Variants in DIAPH3 observed in about 807,000 individuals in gnomAD.
DIAPH3 encodes the protein diaphanous related formin 3.
In DIAPH3, 117 loss-of-function variants were observed where a neutral mutation model predicts 144.3. The observed-to-expected ratio is 0.81, with a 90% confidence interval of 0.70 to 0.95. DIAPH3 has a LOEUF of 0.95. Among genes scored for constraint, DIAPH3 ranks in the 40% least tolerant of loss-of-function variants. The pLI, the probability that DIAPH3 is intolerant of heterozygous loss-of-function variation, is 0.00. For missense variants in DIAPH3, 1,421 were observed against 1,412.7 expected (o/e 1.01, Z -0.09); for synonymous variants, 519 against 488.9 (o/e 1.06, Z -0.81).
chr13:60,020,512 CATG>C (rs1158939757), intron 5 of DIAPH3, among the ~76,000 whole-genome samples: 1 of 152,112 alleles, frequency 6.6e-6, no homozygotes, highest in Non-Finnish European at 1.5e-5. Flanking sequence ...GGACTACAAG[CATG>C]TGTCACCACA....
At chr13:60,114,642 GACACAC>G (rs34572381) in intron 2 of DIAPH3, among the ~76,000 whole-genome samples, 420 of 148,086 alleles carry the variant, frequency 2.8e-3, no homozygotes, top group African/African-American at 6.6e-3. Flanking sequence ...GAATACAAAA[GACACAC>G]ACACACACAC....
intron 27 of DIAPH3, among the ~76,000 whole-genome samples, chr13:59,745,271 G>T (rs1213644179): frequency 2.6e-5 from 4 of 152,210 alleles, no homozygotes; most frequent in Admixed American, 1.3e-4. Flanking sequence ...TATTTCAAGT[G>T]TGAATACTGA....
chr13:59,935,594 G>T (rs1314200413), intron 17 of DIAPH3, among the ~76,000 whole-genome samples: 1 of 152,170 alleles, frequency 6.6e-6, no homozygotes, highest in African/African-American at 2.4e-5. Context: ...TTATGAGATG[G>T]CAATAGACCG....
At chr13:59,851,742 C>T (rs143226937) in intron 22 of DIAPH3, among the ~76,000 whole-genome samples, 2 of 151,618 alleles carry the variant, frequency 1.3e-5, no homozygotes, top group African/African-American at 4.8e-5. Context: ...CCTATCTCAG[C>T]CTCCCCAGTA....
At chr13:60,109,890 C>A (rs1419677751) in intron 3 of DIAPH3, among the ~76,000 whole-genome samples, 1 of 152,168 alleles carries the variant, frequency 6.6e-6, no homozygotes, top group East Asian at 1.9e-4. Flanking sequence ...AATAGTCATA[C>A]AGAAACCAAT....
intron 20 of DIAPH3, among the ~76,000 whole-genome samples, chr13:59,910,454 G>A (rs185465683): frequency 2.0e-5 from 3 of 152,242 alleles, no homozygotes; most frequent in Admixed American, 1.3e-4. Context: ...AAGGCCGGGT[G>A]GGGTGGCTCA....
intron 2 of DIAPH3, 36 bp from the exon 3 acceptor site, chr13:60,112,222 T>C: frequency 6.2e-7 from 1 of 1,611,264 alleles, no homozygotes; most frequent in Non-Finnish European, 8.5e-7. Context: ...CGTGTAAGTA[T>C]TTCCTTTCCC....
chr13:59,675,895 G>A (rs1032987545), intron 27 of DIAPH3, among the ~76,000 whole-genome samples: 1 of 152,136 alleles, frequency 6.6e-6, no homozygotes, highest in African/African-American at 2.4e-5. Context: ...GGTAGATTCC[G>A]AGTGCTAATA....
chr13:60,052,097 T>C (rs2056374089), intron 4 of DIAPH3, among the ~76,000 whole-genome samples: 1 of 152,102 alleles, frequency 6.6e-6, no homozygotes, highest in Non-Finnish European at 1.5e-5. Context: ...AGGGTTTATA[T>C]GAACGATGAG....
chr13:59,713,014 T>C (rs1430688343), intron 27 of DIAPH3, among the ~76,000 whole-genome samples: 2 of 152,198 alleles, frequency 1.3e-5, no homozygotes, highest in East Asian at 3.9e-4. Context: ...GAGAATCTAA[T>C]GCTGCCGCTG....
intron 27 of DIAPH3, among the ~76,000 whole-genome samples, chr13:59,682,462 C>T (rs191974822): frequency 5.3e-5 from 8 of 152,246 alleles, no homozygotes; most frequent in Admixed American, 4.6e-4. Flanking sequence ...GCTGGGATTA[C>T]AGGTGTGAGC....
At chr13:59,898,511 T>C (rs2046256296) in intron 20 of DIAPH3, among the ~76,000 whole-genome samples, 1 of 152,210 alleles carries the variant, frequency 6.6e-6, no homozygotes, top group African/African-American at 2.4e-5. Flanking sequence ...CAGGCAAGCC[T>C]CAATAAGCCA....
chr13:59,737,757 A>G (rs1284054759), intron 27 of DIAPH3, among the ~76,000 whole-genome samples: 1 of 152,222 alleles, frequency 6.6e-6, no homozygotes, highest in Non-Finnish European at 1.5e-5. Flanking sequence ...TAACCTATAC[A>G]ACAAAACACT....
intron 1 of DIAPH3, chr13:60,147,400 G>C (rs1211968322): frequency 2.0e-5 from 3 of 152,248 alleles, no homozygotes; most frequent in Non-Finnish European, 4.4e-5. Flanking sequence ...GACTCAAATA[G>C]GGAAAATTTG....
chr13:59,781,186 G>C (rs1195234315), intron 25 of DIAPH3, among the ~76,000 whole-genome samples: 3 of 152,096 alleles, frequency 2.0e-5, no homozygotes, highest in Non-Finnish European at 4.4e-5. Flanking sequence ...AATGAAAACA[G>C]GTCAAATATG....
chr13:59,774,562 C>T (rs2038294962), intron 26 of DIAPH3, among the ~76,000 whole-genome samples, 166 bp downstream of exon 26: 1 of 152,232 alleles, frequency 6.6e-6, no homozygotes, highest in Non-Finnish European at 1.5e-5. Context: ...GCATATCTCT[C>T]TGACATTTGT....
intron 23 of DIAPH3, among the ~76,000 whole-genome samples, chr13:59,837,441 T>C (rs1054683142): frequency 3.9e-5 from 6 of 152,052 alleles, no homozygotes; most frequent in African/African-American, 1.4e-4. Flanking sequence ...CTACAACCTT[T>C]ACTCCAAGCT....
At chr13:59,687,171 G>A (rs1310277704) in intron 27 of DIAPH3, among the ~76,000 whole-genome samples, 4 of 152,118 alleles carry the variant, frequency 2.6e-5, no homozygotes, top group South Asian at 2.1e-4. Context: ...GACAGAAGCA[G>A]TTAGGAAAAC....
At chr13:60,038,056 A>G (rs974902052) in intron 5 of DIAPH3, among the ~76,000 whole-genome samples, 23 of 152,164 alleles carry the variant, frequency 1.5e-4, no homozygotes, top group South Asian at 1.0e-3. Context: ...ATATACTAAA[A>G]CTATAATAGA....
Sources: allele counts gnomAD v4.1 joint callset (sites outside exome capture counted in the v4.1 genomes callset), GRCh38; gene constraint gnomAD v4.1.1; transcripts MANE v1.5; gene names NCBI Gene and HGNC (gene_info 2026-07-23, HGNC 2026-07-21).